The following ST6GALNAC5 variants were observed in gnomAD, a reference collection of about 807,000 sequenced individuals.
ST6GALNAC5 encodes the protein ST6 N-acetylgalactosaminide alpha-2,6-sialyltransferase 5.
Under a neutral mutation model 33.6 loss-of-function variants are expected in ST6GALNAC5, and 27 were observed. The ratio of observed to expected loss-of-function variants is 0.80; its 90% CI spans 0.59 to 1.11. The LOEUF (loss-of-function observed/expected upper bound fraction) is 1.11. Ranked by LOEUF, ST6GALNAC5 falls within the 50% of genes least tolerant of loss-of-function variation. ST6GALNAC5 has a pLI of 0.00. For synonymous variants in ST6GALNAC5, 194 were observed against 171.2 expected (o/e 1.13, Z -1.04); for missense variants, 428 against 454.0 (o/e 0.94, Z 0.52).
intron 2 of ST6GALNAC5, 151 bp from the exon 3 acceptor site, chr1:77,044,053 T>G: frequency 1.1e-6 from 1 of 894,880 alleles, no homozygotes; most frequent in Non-Finnish European, 1.6e-6. Context: ...CAAGGGTCCA[T>G]AAAGTAATAG....
intron 2 of ST6GALNAC5, among the ~76,000 whole-genome samples, chr1:76,959,784 T>C (rs1460882960): frequency 1.3e-5 from 2 of 152,188 alleles, no homozygotes; most frequent in Non-Finnish European, 2.9e-5. Context: ...TCCACTAACG[T>C]TTCAGCTTCT....
At chr1:76,981,743 C>T (rs1649261183) in intron 2 of ST6GALNAC5, among the ~76,000 whole-genome samples, 1 of 152,212 alleles carries the variant, frequency 6.6e-6, no homozygotes, top group Non-Finnish European at 1.5e-5. Flanking sequence ...TAGGGGCCAA[C>T]AGACACCTCA....
chr1:76,946,248 G>T (rs1183381142), intron 2 of ST6GALNAC5, among the ~76,000 whole-genome samples: 1 of 151,990 alleles, frequency 6.6e-6, no homozygotes, highest in Non-Finnish European at 1.5e-5. Flanking sequence ...CACTATTATT[G>T]ATTTATTCAT....
At chr1:76,991,642 T>G (rs2100396395) in intron 2 of ST6GALNAC5, among the ~76,000 whole-genome samples, 1 of 152,292 alleles carries the variant, frequency 6.6e-6, no homozygotes, top group Middle Eastern at 3.4e-3. Context: ...TTCTTTGACA[T>G]CAGTTTCCAC....
chr1:77,061,806 T>G (rs1302904835), intron 4 of ST6GALNAC5, among the ~76,000 whole-genome samples: 1 of 152,158 alleles, frequency 6.6e-6, no homozygotes, highest in Non-Finnish European at 1.5e-5. Context: ...GTTAATCCTA[T>G]GCACACCATC....
At chr1:77,047,491 AG>A (rs1652057555) in intron 3 of ST6GALNAC5, among the ~76,000 whole-genome samples, 1 of 152,242 alleles carries the variant, frequency 6.6e-6, no homozygotes, top group Admixed American at 6.5e-5. Context: ...TTGAAGAAAT[AG>A]GGTCATTTAA....
intron 4 of ST6GALNAC5, among the ~76,000 whole-genome samples, chr1:77,053,902 C>T (rs1489145635): frequency 6.6e-6 from 1 of 152,138 alleles, no homozygotes; most frequent in East Asian, 1.9e-4. Flanking sequence ...CTACAGCTTC[C>T]CTAAGTTCCC....
At position 77,054,381 on chromosome 1, in the gene ST6GALNAC5, C is replaced by T. The variant is rs184255136; in HGVS notation, c.779+4016C>T. ...AACAGGAATATTGGACCCTTCCACC[C>T]GACTTGGTCAGGGGCAGACCCAGTT... On this transcript the variant is annotated intron_variant, in intron 4 of 4. Transcript: ENST00000477717. Among the ~76,000 whole-genome samples, 5 of 152,288 alleles carry T rather than the reference C, an allele frequency of 3.3e-5. No homozygotes were observed. The East Asian group carries it at 9.7e-4, about 29-fold the overall frequency.
intron 2 of ST6GALNAC5, among the ~76,000 whole-genome samples, chr1:76,980,585 C>A (rs1249904771): frequency 6.6e-6 from 1 of 152,056 alleles, no homozygotes. Flanking sequence ...GTGTCAAAAA[C>A]AGAAAGAAGA....
intron 2 of ST6GALNAC5, among the ~76,000 whole-genome samples, chr1:76,919,718 G>A (rs946042107): frequency 6.6e-6 from 1 of 152,120 alleles, no homozygotes; most frequent in African/African-American, 2.4e-5. Context: ...ATCAAGCCAA[G>A]AGTTCTTAGT....
chr1:77,045,995 G>T (rs921578889), intron 3 of ST6GALNAC5, among the ~76,000 whole-genome samples: 1 of 152,172 alleles, frequency 6.6e-6, no homozygotes, highest in Non-Finnish European at 1.5e-5. Context: ...ACTACTAATC[G>T]CTGGATGGAC....
intron 2 of ST6GALNAC5, among the ~76,000 whole-genome samples, chr1:76,908,420 A>G (rs919493119): frequency 6.6e-6 from 1 of 152,098 alleles, no homozygotes; most frequent in African/African-American, 2.4e-5. Flanking sequence ...CTGCCATTAC[A>G]ACCCAATCAC....
chr1:76,890,705 T>C (rs1653996128), intron 2 of ST6GALNAC5, among the ~76,000 whole-genome samples: 1 of 152,160 alleles, frequency 6.6e-6, no homozygotes, highest in Non-Finnish European at 1.5e-5. Flanking sequence ...ATATTATTTG[T>C]AAATTAAGTG....
At position 77,051,264 on chromosome 1, in the gene ST6GALNAC5, G is replaced by A. The variant is rs117480970; in HGVS notation, c.779+899G>A. ...AGGTTTAAAGCAAAGATGAGAAACAGCATCTAATCATCCCATTAACATTTT... is the reference window on the plus strand; with the variant it reads ...AGGTTTAAAGCAAAGATGAGAAACAACATCTAATCATCCCATTAACATTTT... On this transcript the variant is annotated intron_variant, in intron 4 of 4. Transcript: ENST00000477717. 2.7e-3 allele frequency among the ~76,000 whole-genome samples: 410 copies of A among 152,322 alleles called. 3 individuals carry two copies. Among genetic ancestry groups the A allele is most frequent in the East Asian group, 1.4e-3 (7 of 5,184 alleles).
chr1:76,912,300 T>C (rs1428964444), intron 2 of ST6GALNAC5, among the ~76,000 whole-genome samples: 1 of 152,212 alleles, frequency 6.6e-6, no homozygotes, highest in Admixed American at 6.5e-5. Flanking sequence ...CAGTTTGTTA[T>C]AATTTCTGTT....
At chr1:76,948,020 A>T (rs115906217) in intron 2 of ST6GALNAC5, among the ~76,000 whole-genome samples, 2,010 of 152,248 alleles carry the variant, frequency 0.013, 46 homozygotes, top group African/African-American at 0.045. Flanking sequence ...TTCAGTAACA[A>T]ATAAACCCCA....
intron 2 of ST6GALNAC5, among the ~76,000 whole-genome samples, chr1:77,029,378 C>T (rs1651367403): frequency 1.3e-5 from 2 of 152,206 alleles, no homozygotes; most frequent in South Asian, 4.1e-4. Context: ...TCATCCAAAC[C>T]ATGGTTTAGG....
intron 2 of ST6GALNAC5, among the ~76,000 whole-genome samples, chr1:76,894,971 T>C (rs566235324): frequency 6.6e-6 from 1 of 151,960 alleles, no homozygotes; most frequent in Admixed American, 6.5e-5. Context: ...AGGAAAATTA[T>C]AGTCAAAGGG....
intron 2 of ST6GALNAC5, among the ~76,000 whole-genome samples, chr1:77,013,273 C>G (rs1650709075): frequency 6.6e-6 from 1 of 152,162 alleles, no homozygotes; most frequent in Non-Finnish European, 1.5e-5. Context: ...GAAGCCTACT[C>G]TGTGATTCTA....
Sources: gnomAD v4.1 joint callset for allele counts (sites outside exome capture counted in the v4.1 genomes callset) on GRCh38, gnomAD v4.1.1 for gene constraint, MANE v1.5 for transcripts, NCBI Gene and HGNC (gene_info 2026-07-23, HGNC 2026-07-21) for gene names.